The following NMNAT2 variants were observed in gnomAD, a reference collection of about 807,000 sequenced individuals.
NMNAT2 encodes the protein nicotinamide/nicotinic acid mononucleotide adenylyltransferase 2.
Under a neutral mutation model 41.6 loss-of-function variants are expected in NMNAT2, and 11 were observed. That is an observed-to-expected ratio of 0.26 (90% CI 0.17 to 0.44). The LOEUF (loss-of-function observed/expected upper bound fraction) is 0.44, where lower values mean the gene tolerates loss of function less well. Among genes scored for constraint, NMNAT2 ranks in the 20% least tolerant of loss-of-function variants. The pLI, the probability that NMNAT2 is intolerant of heterozygous loss-of-function variation, is 1.00. For synonymous variants in NMNAT2, 148 were observed against 151.2 expected, an observed-to-expected ratio of 0.98 and a Z score of 0.16; for missense variants, 288 against 407.7, an observed-to-expected ratio of 0.71 and a Z score of 2.53.
intron 8 of NMNAT2, among the ~76,000 whole-genome samples, chr1:183,271,289 C>A (rs977605304): frequency 2.6e-5 from 4 of 152,178 alleles, no homozygotes; most frequent in Non-Finnish European, 4.4e-5. Context: ...CCAGGATCCA[C>A]CTATTTCAAC....
intron 4 of NMNAT2, 58 bp downstream of exon 4, chr1:183,290,070 G>T: frequency 7.1e-7 from 1 of 1,400,090 alleles, no homozygotes; most frequent in East Asian, 2.5e-5. Flanking sequence ...TGTGGGTCCA[G>T]CCCCTTCCGC....
chr1:183,307,994 T>G, intron 1 of NMNAT2, among the ~76,000 whole-genome samples: 1 of 152,122 alleles, frequency 6.6e-6, no homozygotes, highest in East Asian at 1.9e-4. Context: ...GTTTGGATGA[T>G]GGATGGGGGA....
intron 1 of NMNAT2, among the ~76,000 whole-genome samples, chr1:183,321,694 A>G (rs1487866953): frequency 6.6e-6 from 1 of 152,106 alleles, no homozygotes; most frequent in Non-Finnish European, 1.5e-5. Flanking sequence ...AGATTGTGCC[A>G]CTGCACTTCA....
chr1:183,268,641 G>A (rs1279626412), intron 8 of NMNAT2, among the ~76,000 whole-genome samples: 2 of 152,204 alleles, frequency 1.3e-5, no homozygotes, highest in African/African-American at 4.8e-5. Flanking sequence ...TGTATATGGT[G>A]AACTGGGCAC....
intron 1 of NMNAT2, among the ~76,000 whole-genome samples, chr1:183,305,158 T>G (rs1661966895): frequency 6.6e-6 from 1 of 151,864 alleles, no homozygotes; most frequent in South Asian, 2.1e-4. Context: ...TAAATATATA[T>G]GTAAAAATAT....
rs891212019 is a variant in NMNAT2, at chr1:183,293,862, A to C, written c.86-69T>G. ...TGGATTAAAGGTGATAATTGAAATC[A>C]ATACGCTCAGCTCTGTAATGCTGGG... On this transcript the variant is annotated intron_variant, in intron 1 of 10. Transcript: ENST00000287713. 9.3e-6 allele frequency: 10 copies of C among 1,076,922 alleles called. No individual in the cohort carries two copies. The African/African-American group carries it at 9.3e-5, about 10-fold the overall frequency. The allele number at this position is 1,076,922 out of a possible 1,614,324, so 66.7% of individuals were successfully genotyped here. A position where few individuals can be genotyped will look rare whatever the true frequency, so the allele number is the denominator to read the frequency against.
intron 1 of NMNAT2, among the ~76,000 whole-genome samples, chr1:183,335,351 C>T (rs1026466707): frequency 2.6e-5 from 4 of 152,212 alleles, no homozygotes; most frequent in Admixed American, 2.6e-4. Flanking sequence ...AAAATCTATA[C>T]CTCCAGCTGT....
At chr1:183,319,853 G>A (rs773947807) in intron 1 of NMNAT2, among the ~76,000 whole-genome samples, 5 of 152,206 alleles carry the variant, frequency 3.3e-5, no homozygotes, top group Non-Finnish European at 7.3e-5. Context: ...ATGATCTGCC[G>A]TGTCTTTGAG....
At position 183,252,410 on chromosome 1, in the gene NMNAT2, C is replaced by T; in HGVS notation, c.*231G>A. ...AGGACTGCACTTCCCCCGACTCCCA[C>T]CCCATTCCCTCACCCACCCCCAACC... is the stretch of plus-strand genomic sequence containing the variant. On this transcript the variant is annotated 3_prime_UTR_variant, in exon 11 of 11. Coordinates refer to ENST00000287713, the MANE Select transcript of NMNAT2 (RefSeq NM_015039.4). 1 of 411,416 alleles carries T rather than the reference C, an allele frequency of 2.4e-6. No homozygotes were observed. Among genetic ancestry groups the T allele is most frequent in the South Asian group, 2.1e-5 (1 of 46,876 alleles). 25.5% of individuals were successfully genotyped at this position (411,416 alleles called of 1,614,324 possible).
intron 1 of NMNAT2, among the ~76,000 whole-genome samples, chr1:183,403,414 G>C (rs527512503): frequency 2.6e-5 from 4 of 151,732 alleles, no homozygotes; most frequent in African/African-American, 7.3e-5. Flanking sequence ...TATTGAGTTG[G>C]GGGAAGGGAC....
At chr1:183,389,792 GA>G (rs1396767823) in intron 1 of NMNAT2, among the ~76,000 whole-genome samples, 6 of 63,894 alleles carry the variant, frequency 9.4e-5, no homozygotes, top group Non-Finnish European at 1.3e-4. Flanking sequence ...AAGAAAGAAA[GA>G]AAGAAAGAAA....
chr1:183,403,435 G>A (rs1648870478), intron 1 of NMNAT2, among the ~76,000 whole-genome samples: 1 of 140,384 alleles, frequency 7.1e-6, no homozygotes, highest in Non-Finnish European at 1.5e-5. Context: ...AAGTGAAGAG[G>A]AACAACCCCC....
At chr1:183,342,896 G>A (rs1662849003) in intron 1 of NMNAT2, among the ~76,000 whole-genome samples, 1 of 108,270 alleles carries the variant, frequency 9.2e-6, no homozygotes, top group South Asian at 3.1e-4. Context: ...ATCATGACTG[G>A]CTAATTATTA....
In NMNAT2 at chr1:183,248,739, T is replaced by C. The variant is rs1208977030; in HGVS notation, c.*3902A>G. 6.6e-6 allele frequency: 1 copy of C among 152,254 alleles called. No homozygotes were observed. The highest frequency in any genetic ancestry group is 2.4e-5 in the African/African-American group (1 of 41,474). The allele number at this position is 152,254 out of a possible 1,614,324, so 9.4% of individuals were successfully genotyped here. On this transcript the variant is annotated 3_prime_UTR_variant, in exon 11 of 11. Coordinates refer to ENST00000287713, the MANE Select transcript of NMNAT2 (RefSeq NM_015039.4). ...TATGAGCTACAAAATCGGTCCCTGTTTCCATTCTTCCCATCTCACCTGTTG... is the reference window on the plus strand; with the variant it reads ...TATGAGCTACAAAATCGGTCCCTGTCTCCATTCTTCCCATCTCACCTGTTG...
chr1:183,402,919 C>T (rs115235705), intron 1 of NMNAT2, among the ~76,000 whole-genome samples: 1,971 of 151,660 alleles, frequency 0.013, 25 homozygotes, highest in Middle Eastern at 0.079. Context: ...AAGCTGCTGT[C>T]GTGCAATAAG....
chr1:183,267,627 G>A (rs567225166), intron 8 of NMNAT2, among the ~76,000 whole-genome samples: 4 of 152,066 alleles, frequency 2.6e-5, no homozygotes, highest in Non-Finnish European at 4.4e-5. Flanking sequence ...GGGGTGTAAG[G>A]GCAGACATCT....
rs41299619 is a variant in NMNAT2, at chr1:183,251,912, C to T, written c.*729G>A. 888 of 157,436 alleles carry T rather than the reference C, an allele frequency of 5.6e-3. 5 individuals are homozygous for T. The highest frequency in any genetic ancestry group is 7.5e-3 in the Non-Finnish European group (528 of 70,588). The allele number at this position is 157,436 out of a possible 1,614,324, so 9.8% of individuals were successfully genotyped here. On this transcript the variant is annotated 3_prime_UTR_variant, in exon 11 of 11. Coordinates refer to ENST00000287713, the MANE Select transcript of NMNAT2 (RefSeq NM_015039.4). ...ATATGTGTGTGTGTATGTGCGTGCGCGGGTGCACACGCATGTGTGCGTGTG... is the reference window on the plus strand; with the variant it reads ...ATATGTGTGTGTGTATGTGCGTGCGTGGGTGCACACGCATGTGTGCGTGTG...
intron 1 of NMNAT2, among the ~76,000 whole-genome samples, chr1:183,346,022 A>G (rs1372416577): frequency 2.0e-5 from 3 of 152,144 alleles, no homozygotes; most frequent in Non-Finnish European, 4.4e-5. Context: ...AGTTTCAGGT[A>G]CTGTGTTATA....
At chr1:183,279,670 G>A (rs1019453992) in intron 7 of NMNAT2, among the ~76,000 whole-genome samples, 1 of 152,200 alleles carries the variant, frequency 6.6e-6, no homozygotes, top group Non-Finnish European at 1.5e-5. Context: ...CCCTGCTGTG[G>A]AATGAGTCTC....
Sources: gnomAD v4.1 joint callset for allele counts (sites outside exome capture counted in the v4.1 genomes callset) on GRCh38, gnomAD v4.1.1 for gene constraint, MANE v1.5 for transcripts, NCBI Gene and HGNC (gene_info 2026-07-23, HGNC 2026-07-21) for gene names.